Variants in DLG2 observed in about 807,000 individuals in gnomAD.
The protein encoded by DLG2 is discs large MAGUK scaffold protein 2.
A neutral mutation model predicts 132.5 loss-of-function variants in DLG2; 45 were observed. That is an observed-to-expected ratio of 0.34 (90% confidence interval 0.27 to 0.44). The LOEUF is 0.44. Ranked by LOEUF, DLG2 falls within the 20% of genes least tolerant of loss-of-function variation. DLG2 has a pLI of 1.00. For synonymous variants in DLG2, 424 were observed against 419.6 expected, an observed-to-expected ratio of 1.01 and a Z score of -0.13; for missense variants, 1,045 against 1,196.9, an observed-to-expected ratio of 0.87 and a Z score of 1.87.
intron 6 of DLG2, among the ~76,000 whole-genome samples, chr11:84,798,923 C>A (rs1226426258): frequency 6.6e-6 from 1 of 152,100 alleles, no homozygotes; most frequent in African/African-American, 2.4e-5. Context: ...TCCTAGTGTG[C>A]CTAAGCTGGT....
intron 13 of DLG2, among the ~76,000 whole-genome samples, chr11:83,964,445 G>A (rs1017467212): frequency 6.6e-6 from 1 of 151,960 alleles, no homozygotes; most frequent in African/African-American, 2.4e-5. Context: ...AGAGAAACAT[G>A]TAAGTCTGAG....
intron 6 of DLG2, among the ~76,000 whole-genome samples, chr11:84,892,281 A>T (rs1365363198): frequency 6.6e-6 from 1 of 152,190 alleles, no homozygotes; most frequent in Non-Finnish European, 1.5e-5. Context: ...TGGTCATGCC[A>T]AACTCAAAAG....
intron 7 of DLG2, among the ~76,000 whole-genome samples, chr11:84,285,473 C>T (rs187264526): frequency 6.6e-6 from 1 of 152,254 alleles, no homozygotes; most frequent in African/African-American, 2.4e-5. Context: ...TATGCAAATG[C>T]CAGTTCTTCT....
chr11:84,620,208 T>C (rs1222378695), intron 6 of DLG2, among the ~76,000 whole-genome samples: 1 of 151,818 alleles, frequency 6.6e-6, no homozygotes, highest in Non-Finnish European at 1.5e-5. Context: ...AAAGTGAGCA[T>C]TGCAGATAAG....
chr11:83,519,382 A>G (rs2095406489), intron 21 of DLG2, among the ~76,000 whole-genome samples: 2 of 152,220 alleles, frequency 1.3e-5, no homozygotes. Flanking sequence ...CCACTATTAC[A>G]TATATGGTGT....
At chr11:85,509,106 T>C (rs2093999797) in intron 3 of DLG2, among the ~76,000 whole-genome samples, 1 of 152,058 alleles carries the variant, frequency 6.6e-6, no homozygotes, top group African/African-American at 2.4e-5. Context: ...GCTCATGATT[T>C]CACTTACACA....
chr11:83,842,150 C>A (rs773764172), intron 16 of DLG2, among the ~76,000 whole-genome samples: 1 of 152,196 alleles, frequency 6.6e-6, no homozygotes, highest in African/African-American at 2.4e-5. Context: ...GCCTGACCTG[C>A]TGCAAGCTGT....
intron 6 of DLG2, among the ~76,000 whole-genome samples, chr11:84,938,281 T>G (rs2048985059): frequency 6.6e-6 from 1 of 152,048 alleles, no homozygotes; most frequent in Non-Finnish European, 1.5e-5. Flanking sequence ...CAAAAATCAA[T>G]AAAATATCAG....
chr11:85,407,514 C>A (rs2152974478), intron 3 of DLG2, among the ~76,000 whole-genome samples: 1 of 151,912 alleles, frequency 6.6e-6, no homozygotes, highest in African/African-American at 2.4e-5. Context: ...AGACCCTGTT[C>A]TATCATATCT....
chr11:85,261,384 C>T (rs1218025210), intron 4 of DLG2, among the ~76,000 whole-genome samples: 1 of 151,924 alleles, frequency 6.6e-6, no homozygotes, highest in African/African-American at 2.4e-5. Context: ...ACATCCCCCA[C>T]CCCCACCACA....
intron 19 of DLG2, among the ~76,000 whole-genome samples, chr11:83,597,247 G>C (rs1221938766): frequency 3.3e-5 from 5 of 152,156 alleles, no homozygotes; most frequent in Admixed American, 6.5e-5. Context: ...TAAGTAGCAG[G>C]ATCATGAGCT....
intron 3 of DLG2, among the ~76,000 whole-genome samples, chr11:85,454,658 G>C (rs1047439193): frequency 4.6e-5 from 7 of 152,028 alleles, no homozygotes; most frequent in Non-Finnish European, 8.8e-5. Context: ...AGTTTTTATA[G>C]TTTTAGGTTT....
chr11:83,679,524 C>T (rs920761494), intron 18 of DLG2, among the ~76,000 whole-genome samples: 1 of 152,066 alleles, frequency 6.6e-6, no homozygotes, highest in Admixed American at 6.6e-5. Flanking sequence ...AAGGTAATAA[C>T]CCTGTTTTTA....
intron 3 of DLG2, among the ~76,000 whole-genome samples, chr11:85,398,550 A>G (rs1040217160): frequency 2.6e-5 from 4 of 152,180 alleles, no homozygotes; most frequent in Non-Finnish European, 5.9e-5. Flanking sequence ...ATAAAGAAGA[A>G]AAGAGAAAAG....
chr11:83,935,173 G>C (rs1435226874), intron 14 of DLG2, among the ~76,000 whole-genome samples: 1 of 152,080 alleles, frequency 6.6e-6, no homozygotes, highest in Non-Finnish European at 1.5e-5. Context: ...GGACGTCAAG[G>C]GCTCAGATGC....
chr11:85,284,334 A>G (rs909005710), intron 4 of DLG2, among the ~76,000 whole-genome samples: 4 of 151,858 alleles, frequency 2.6e-5, no homozygotes. Flanking sequence ...CCAGTTTACA[A>G]ATCAGCTCTG....
intron 7 of DLG2, among the ~76,000 whole-genome samples, chr11:84,473,082 G>A (rs775946760): frequency 2.6e-5 from 4 of 151,878 alleles, no homozygotes; most frequent in Non-Finnish European, 5.9e-5. Context: ...AGATAGATAT[G>A]GAGAGTTGTC....
At chr11:84,832,102 G>C (rs945648855) in intron 6 of DLG2, among the ~76,000 whole-genome samples, 1 of 151,694 alleles carries the variant, frequency 6.6e-6, no homozygotes, top group Non-Finnish European at 1.5e-5. Context: ...CATACATGAA[G>C]AGGAATTCTG....
chr11:83,962,863 T>A, intron 14 of DLG2, 22 bp downstream of exon 14: 1 of 1,610,696 alleles, frequency 6.2e-7, no homozygotes, highest in South Asian at 1.1e-5. Flanking sequence ...GCAAATCCAA[T>A]TAACTAACAG....
Sources: allele counts gnomAD v4.1 joint callset (sites outside exome capture counted in the v4.1 genomes callset), GRCh38; gene constraint gnomAD v4.1.1; transcripts MANE v1.5; gene names NCBI Gene and HGNC (gene_info 2026-07-23, HGNC 2026-07-21).